The following KAZN variants were observed in gnomAD, a reference collection of about 807,000 sequenced individuals.
KAZN encodes the protein kazrin.
A neutral mutation model predicts 87.4 loss-of-function variants in KAZN; 40 were observed. That is an observed-to-expected ratio of 0.46 (90% confidence interval 0.36 to 0.60). KAZN has a LOEUF of 0.60. KAZN is among the 20% of genes least tolerant of loss of function. The probability of loss-of-function intolerance (pLI) is 0.00; values close to 1 mark genes in which losing one functional copy is unlikely to be tolerated. For missense variants in KAZN, 898 were observed against 1,073.9 expected (o/e 0.84, Z 2.29); for synonymous variants, 466 against 458.3 (o/e 1.02, Z -0.22).
intron 1 of KAZN, among the ~76,000 whole-genome samples, chr1:14,021,415 G>A (rs547593482): frequency 7.2e-5 from 11 of 152,330 alleles, no homozygotes; most frequent in African/African-American, 2.6e-4. Context: ...CAATTCCCAG[G>A]TGATTTGTTT....
At chr1:14,451,126 G>T (rs1420652478) in intron 2 of KAZN, among the ~76,000 whole-genome samples, 1 of 152,088 alleles carries the variant, frequency 6.6e-6, no homozygotes, top group Non-Finnish European at 1.5e-5. Flanking sequence ...TTCCTATACA[G>T]CATGCAGAAC....
At chr1:14,798,779 G>T (rs1213873888) in intron 1 of KAZN, among the ~76,000 whole-genome samples, 1 of 149,384 alleles carries the variant, frequency 6.7e-6, no homozygotes, top group Non-Finnish European at 1.5e-5. Flanking sequence ...TATTTTATTT[G>T]AGACAGGGTC....
intron 1 of KAZN, among the ~76,000 whole-genome samples, chr1:14,159,017 C>T (rs554626918): frequency 6.6e-6 from 1 of 152,188 alleles, no homozygotes; most frequent in South Asian, 2.1e-4. Flanking sequence ...ACAAGTACTC[C>T]TGTGGCCACC....
At chr1:14,290,371 A>C (rs1219629387) in intron 2 of KAZN, among the ~76,000 whole-genome samples, 1 of 151,962 alleles carries the variant, frequency 6.6e-6, no homozygotes, top group Admixed American at 6.6e-5. Context: ...GGCTTTGTTC[A>C]TTTCTTTTTA....
At chr1:14,685,768 C>T (rs577418760) in intron 1 of KAZN, among the ~76,000 whole-genome samples, 1 of 152,324 alleles carries the variant, frequency 6.6e-6, no homozygotes, top group South Asian at 2.1e-4. Flanking sequence ...GGATAAGGAA[C>T]CACAGAACTC....
chr1:14,918,062 A>G (rs1658014574), intron 1 of KAZN, among the ~76,000 whole-genome samples: 1 of 151,984 alleles, frequency 6.6e-6, no homozygotes, highest in African/African-American at 2.4e-5. Flanking sequence ...TATTTTTAGT[A>G]GAGATGGGGT....
At chr1:15,068,544 C>G (rs1384120499) in intron 8 of KAZN, among the ~76,000 whole-genome samples, 1 of 152,020 alleles carries the variant, frequency 6.6e-6, no homozygotes, top group East Asian at 1.9e-4. Flanking sequence ...CGCAGACCTC[C>G]GTGGACCTCT....
intron 2 of KAZN, among the ~76,000 whole-genome samples, chr1:14,432,787 T>G (rs1666149682): frequency 6.6e-6 from 1 of 152,110 alleles, no homozygotes; most frequent in African/African-American, 2.4e-5. Context: ...TATGTTCTCA[T>G]TGTTCAGTTC....
chr1:14,362,947 A>G (rs1659644515), intron 2 of KAZN, among the ~76,000 whole-genome samples: 2 of 152,148 alleles, frequency 1.3e-5, no homozygotes, highest in Admixed American at 6.5e-5. Flanking sequence ...AGGTCCCCCA[A>G]TGGCATGATG....
At chr1:14,733,077 C>G (rs1643750630) in intron 1 of KAZN, among the ~76,000 whole-genome samples, 1 of 152,222 alleles carries the variant, frequency 6.6e-6, no homozygotes, top group Admixed American at 6.5e-5. Flanking sequence ...TGAGCAACCA[C>G]TTTCTTAGAA....
rs1670616363 is a variant in KAZN at position 15,021,030 on chromosome 1, G to A, written c.419-13719G>A. ...CTGCTGTGTCTCTGTTACGCAGCAG[G>A]GGTGAGACCAGTCCATATCACTAGG... is the stretch of plus-strand genomic sequence containing the variant. On this transcript the variant is annotated intron_variant, in intron 2 of 14. Coordinates refer to ENST00000376030, the MANE Select transcript of KAZN (RefSeq NM_201628.3). This position sits in a 1 kb window ranked among gnomAD's most constrained non-coding sequence, Gnocchi z 4.2. 6.6e-6 allele frequency among the ~76,000 whole-genome samples: 1 copy of A among 152,150 alleles called. No individual in the cohort carries two copies. The highest frequency in any genetic ancestry group is 1.5e-5 in the Non-Finnish European group (1 of 68,038).
rs540990434 is a variant in KAZN at position 14,470,651 on chromosome 1, G to A, written c.250-128332G>A. On this transcript the variant is annotated intron_variant, in intron 2 of 16. Coordinates refer to the KAZN transcript ENST00000636203. ...GCGTAAGTGAGCACCTTTCTCTGTT[G>A]AGCAGAGTTTACTTTGTTTGCAGGA... 2.7e-3 allele frequency among the ~76,000 whole-genome samples: 405 copies of A among 152,272 alleles called. 1 individual carries two copies. Among genetic ancestry groups the A allele is most frequent in the Non-Finnish European group, 3.6e-3 (248 of 68,024 alleles).
rs183885133 is a variant in KAZN at position 14,839,852 on chromosome 1, A to G, written c.227-120832A>G. Among the ~76,000 whole-genome samples, 377 of 152,240 alleles carry G rather than the reference A, an allele frequency of 2.5e-3. 14 individuals carry two copies. Among genetic ancestry groups the G allele is most frequent in the East Asian group, 6.6e-3 (34 of 5,174 alleles). On this transcript the variant is annotated intron_variant, in intron 1 of 14. Transcript: ENST00000376030. ...ACCTCAAGGCTCTGGAGGTGCCTCT[A>G]AGTTTGCAGAGCAGGCAATAAAGGG...
chr1:13,984,613 C>G (rs1638922181), intron 1 of KAZN, among the ~76,000 whole-genome samples: 1 of 152,154 alleles, frequency 6.6e-6, no homozygotes, highest in Admixed American at 6.5e-5. Flanking sequence ...AGCAGTCTAA[C>G]ATTTCAACAG....
At chr1:14,092,881 T>C (rs2101624055) in intron 1 of KAZN, among the ~76,000 whole-genome samples, 1 of 152,338 alleles carries the variant, frequency 6.6e-6, no homozygotes, top group African/African-American at 2.4e-5. Flanking sequence ...AAAGATGCAA[T>C]TTATGAAATA....
At chr1:15,041,855 ACTGT>A (rs1672967217) in intron 3 of KAZN, among the ~76,000 whole-genome samples, 1 of 151,548 alleles carries the variant, frequency 6.6e-6, no homozygotes, top group Admixed American at 6.6e-5. Flanking sequence ...CCTCTACCAC[ACTGT>A]CTATGAGCTG....
chr1:14,303,109 C>G (rs1416624), intron 2 of KAZN, among the ~76,000 whole-genome samples: 1 of 151,908 alleles, frequency 6.6e-6, no homozygotes, highest in Non-Finnish European at 1.5e-5. Flanking sequence ...CTGCTTGGTG[C>G]TTTTAATGAT....
chr1:14,368,390 G>T (rs372713850), intron 2 of KAZN, among the ~76,000 whole-genome samples: 46 of 152,144 alleles, frequency 3.0e-4, no homozygotes, highest in African/African-American at 1.0e-3. Flanking sequence ...TTTTCACTTC[G>T]TGTTTGTTGT....
chr1:15,035,187 C>T (rs1398395636), intron 3 of KAZN, among the ~76,000 whole-genome samples: 1 of 152,184 alleles, frequency 6.6e-6, no homozygotes, highest in African/African-American at 2.4e-5. Flanking sequence ...AGTTTCCTCT[C>T]TGCAGAGTGG....
Sources: gnomAD v4.1 joint callset for allele counts (sites outside exome capture counted in the v4.1 genomes callset) on GRCh38, gnomAD v4.1.1 for gene constraint, Gnocchi (gnomAD v3.1) non-coding constraint, MANE v1.5 for transcripts, NCBI Gene and HGNC (gene_info 2026-07-23, HGNC 2026-07-21) for gene names.